Variants in EML1 observed in about 807,000 individuals in gnomAD.
EML1 encodes the protein EMAP like 1, also known as echinoderm microtubule-associated protein-like 1.
Under a neutral mutation model 110.4 loss-of-function variants are expected in EML1, and 27 were observed. That is an observed-to-expected ratio of 0.24 (90% CI 0.18 to 0.34). EML1 has a LOEUF of 0.34. Among genes scored for constraint, EML1 ranks in the 10% least tolerant of loss-of-function variants. The probability of loss-of-function intolerance (pLI) is 1.00; values close to 1 mark genes in which losing one functional copy is unlikely to be tolerated. For missense variants in EML1, 741 were observed against 1,030.9 expected (o/e 0.72, Z 3.85); for synonymous variants, 344 against 385.8 (o/e 0.89, Z 1.27).
chr14:99,849,545 AT>A (rs2058758190), intron 1 of EML1, among the ~76,000 whole-genome samples: 1 of 148,298 alleles, frequency 6.7e-6, no homozygotes, highest in Non-Finnish European at 1.5e-5. Flanking sequence ...ATATTTATTT[AT>A]TTATTTATTT....
intron 2 of EML1, among the ~76,000 whole-genome samples, chr14:99,860,243 T>A (rs2058980367): frequency 1.3e-5 from 2 of 152,328 alleles, no homozygotes; most frequent in Admixed American, 6.5e-5. Context: ...TTTGTTGTCG[T>A]GTTTTGCCTC....
intron 1 of EML1, among the ~76,000 whole-genome samples, chr14:99,796,490 C>CTTTTTTTTTTTTTTTT (rs60618425): frequency 7.3e-6 from 1 of 136,900 alleles, no homozygotes. Flanking sequence ...AAATCACAAG[C>CTTTTTTTTTTTTTTTT]TTTTTTTTTT....
chr14:99,878,036 A>C (rs2059322785), intron 3 of EML1, among the ~76,000 whole-genome samples: 1 of 149,522 alleles, frequency 6.7e-6, no homozygotes, highest in African/African-American at 2.5e-5. Flanking sequence ...CTTTCTTAAT[A>C]CTCTATTTTC....
chr14:99,802,347 C>G lies in EML1; in HGVS notation c.67+8804C>G, dbSNP rs116277283. On this transcript the variant is annotated intron_variant, in intron 1 of 21. Transcript: ENST00000262233. ...AGGGGAGAATTTTGAGGCAAGGGAG[C>G]GACTTGTTCACATTTTTTGTTTTAA... is the stretch of plus-strand genomic sequence containing the variant. 4.7e-3 allele frequency among the ~76,000 whole-genome samples: 713 copies of G among 151,838 alleles called. 9 individuals are homozygous for G. The highest frequency in any genetic ancestry group is 0.017 in the African/African-American group (683 of 41,384).
intron 17 of EML1, among the ~76,000 whole-genome samples, chr14:99,921,523 G>T (rs1431835952): frequency 6.6e-6 from 1 of 152,078 alleles, no homozygotes; most frequent in Non-Finnish European, 1.5e-5. Context: ...TTGTGTTATG[G>T]AAAATTTCAA....
At chr14:99,850,720 G>C in intron 1 of EML1, 133 bp from the exon 2 acceptor site, 1 of 861,644 alleles carries the variant, frequency 1.2e-6, no homozygotes, top group Non-Finnish European at 1.8e-6. Context: ...TTCTGCTTAA[G>C]AGCAGTATCT....
At chr14:99,844,519 T>C (rs2058679382) in intron 1 of EML1, among the ~76,000 whole-genome samples, 1 of 150,538 alleles carries the variant, frequency 6.6e-6, no homozygotes, top group African/African-American at 2.4e-5. Context: ...GAGTGGACCT[T>C]ATCTTACTTA....
At chr14:99,875,101 A>G (rs2139922076) in intron 3 of EML1, 1 of 890,166 alleles carries the variant, frequency 1.1e-6, no homozygotes, top group Non-Finnish European at 1.7e-6. Flanking sequence ...TCATCAAGTC[A>G]TCAATCATGT....
chr14:99,817,473 G>A (rs536742548), intron 1 of EML1, among the ~76,000 whole-genome samples: 42 of 152,302 alleles, frequency 2.8e-4, no homozygotes, highest in African/African-American at 9.1e-4. Context: ...TGCCTGTCCC[G>A]GCTGGTGCTG....
chr14:99,898,751 CAAAAAAAAAA>C (rs35606709), intron 8 of EML1, among the ~76,000 whole-genome samples: 1 of 107,642 alleles, frequency 9.3e-6, no homozygotes, highest in Admixed American at 9.4e-5. Context: ...GACTAAGTCT[CAAAAAAAAAA>C]AAAAAAAATA....
chr14:99,872,370 G>A (rs2059220161), intron 3 of EML1, among the ~76,000 whole-genome samples: 1 of 152,198 alleles, frequency 6.6e-6, no homozygotes, highest in Non-Finnish European at 1.5e-5. Context: ...TAGCCATCGT[G>A]TTATATCTAA....
chr14:99,878,924 C>T (rs1444324610), intron 4 of EML1, among the ~76,000 whole-genome samples: 2 of 152,200 alleles, frequency 1.3e-5, no homozygotes, highest in Admixed American at 1.3e-4. Context: ...GGAAGCCATT[C>T]TGAATTTCTA....
rs760292201 is a variant in EML1, at chr14:99,910,335, G to A, written c.1333G>A (p.Gly445Arg). The A allele has an allele frequency of 1.9e-6, 3 of 1,610,986 alleles. No homozygotes were observed. The highest frequency in any genetic ancestry group is 1.7e-5 in the Admixed American group (1 of 59,616). ...GDSSGNILVW[G>R]KGTNRISYAV... is the part of the protein sequence containing the mutation. ...TTCAAGTGGCAACATCTTAGTATGG[G>A]GAAAAGGTAATAAGTGATTGTTCCC... Residue 445 changes from glycine (G) to arginine (R), a missense_variant, in exon 12 of 22, where the codon GGA becomes AGA. Transcript: ENST00000262233.
chr14:99,740,666 C>T (rs943754250), intron 1 of EML1, among the ~76,000 whole-genome samples: 1 of 152,208 alleles, frequency 6.6e-6, no homozygotes, highest in African/African-American at 2.4e-5. Context: ...CCAGCAAAGG[C>T]GCTTCCTTTA....
chr14:99,753,151 C>T (rs918517764), intron 1 of EML1, among the ~76,000 whole-genome samples: 16 of 150,742 alleles, frequency 1.1e-4, no homozygotes, highest in African/African-American at 4.9e-5. Context: ...TGCCTCATCC[C>T]GCAGGGAAGC....
chr14:99,925,426 AT>A lies in EML1; in HGVS notation c.1909+4557del, dbSNP rs1250813535. Among the ~76,000 whole-genome samples, 6 of 151,666 alleles carry A rather than the reference AT, an allele frequency of 4.0e-5. No individual in the cohort carries two copies. In the East Asian group the frequency reaches 1.2e-3, roughly 29 times the overall value. ...AGGCAGGCACCACCACACCCAGCTA[AT>A]TTTTTTTAGAGACAGGGTATTCCTA... is the stretch of plus-strand genomic sequence containing the variant. On this transcript the variant is annotated intron_variant, in intron 17 of 21. Transcript: ENST00000262233.
At chr14:99,815,466 AC>A (rs1438909613) in intron 1 of EML1, among the ~76,000 whole-genome samples, 1 of 152,108 alleles carries the variant, frequency 6.6e-6, no homozygotes, top group African/African-American at 2.4e-5. Context: ...AGAACTGCAC[AC>A]CTTCTAATAG....
At chr14:99,924,036 T>C (rs886691919) in intron 17 of EML1, among the ~76,000 whole-genome samples, 1 of 152,186 alleles carries the variant, frequency 6.6e-6, no homozygotes, top group Non-Finnish European at 1.5e-5. Context: ...ATGGGGGAAA[T>C]TGCCACCTGG....
At chr14:99,908,293 G>A (rs1324871959) in intron 10 of EML1, among the ~76,000 whole-genome samples, 1 of 152,192 alleles carries the variant, frequency 6.6e-6, no homozygotes, top group Admixed American at 6.5e-5. Flanking sequence ...CCTCTAATCC[G>A]TTTTGCACAA....
Sources: gnomAD v4.1 joint callset for allele counts (sites outside exome capture counted in the v4.1 genomes callset) on GRCh38, gnomAD v4.1.1 for gene constraint, MANE v1.5 for transcripts, NCBI Gene and HGNC (gene_info 2026-07-23, HGNC 2026-07-21) for gene names.